The following TRPM3 variants were observed in gnomAD, a reference collection of about 807,000 sequenced individuals.
TRPM3 encodes transient receptor potential cation channel subfamily M member 3, also known as long transient receptor potential channel 3.
A neutral mutation model predicts 181.2 loss-of-function variants in TRPM3; 77 were observed. That is an observed-to-expected ratio of 0.42 (90% CI 0.35 to 0.51). The LOEUF (loss-of-function observed/expected upper bound fraction) is 0.51. Among genes scored for constraint, TRPM3 ranks in the 20% least tolerant of loss-of-function variants. TRPM3 has a pLI of 0.01. For missense variants in TRPM3, 1,759 were observed against 2,196.7 expected, an observed-to-expected ratio of 0.80 and a Z score of 3.98; for synonymous variants, 745 against 796.4, an observed-to-expected ratio of 0.94 and a Z score of 1.09.
intron 5 of TRPM3, among the ~76,000 whole-genome samples, chr9:70,841,652 A>ATATATATATC (rs2094651834): frequency 8.5e-6 from 1 of 117,376 alleles, no homozygotes; most frequent in African/African-American, 3.5e-5. Context: ...ATATATATAT[A>ATATATATATC]TATATATATC....
At chr9:70,610,778 T>C (rs767065586) in intron 18 of TRPM3, 29 bp from the exon 19 acceptor site, 5 of 1,613,012 alleles carry the variant, frequency 3.1e-6, no homozygotes, top group Admixed American at 1.7e-5. Flanking sequence ...GATACCATCA[T>C]GACAGGGCTC....
At chr9:70,561,244 A>G (rs1362344551) in intron 22 of TRPM3, among the ~76,000 whole-genome samples, 1 of 152,218 alleles carries the variant, frequency 6.6e-6, no homozygotes, top group Non-Finnish European at 1.5e-5. Flanking sequence ...TTGAAAATCT[A>G]TACAGTTCGC....
Position 70,535,872 on chromosome 9 carries a change from T to G in TRPM3, c.*81A>C. 6.6e-7 allele frequency: 1 copy of G among 1,521,780 alleles called. No individual in the cohort carries two copies. Among genetic ancestry groups the G allele is most frequent in the Non-Finnish European group, 8.8e-7 (1 of 1,138,910 alleles). The allele number at this position is 1,521,780 out of a possible 1,614,324, so 94.3% of individuals were successfully genotyped here. A position where few individuals can be genotyped will look rare whatever the true frequency, so the allele number is the denominator to read the frequency against. On this transcript the variant is annotated 3_prime_UTR_variant, in exon 26 of 26. Coordinates refer to ENST00000677713, the MANE Select transcript of TRPM3 (RefSeq NM_001366145.2). The stretch of plus-strand genomic sequence containing the variant: ...CAGCTAAGAATAAAGCAGGTATGAT[T>G]CAAGGAAAGGGGAAAAACTGGAGTT...
chr9:70,618,773 G>A (rs1387937417), intron 17 of TRPM3, 94 bp downstream of exon 17: 3 of 1,025,498 alleles, frequency 2.9e-6, no homozygotes, highest in Non-Finnish European at 4.4e-6. Context: ...CCTGAGATAA[G>A]AGGATGCCCA....
At chr9:70,664,649 T>TG (rs542051225) in intron 9 of TRPM3, among the ~76,000 whole-genome samples, 7 of 85,580 alleles carry the variant, frequency 8.2e-5, no homozygotes, top group African/African-American at 3.5e-4. Flanking sequence ...TAGTTTTTTT[T>TG]TTTTTTTTTT....
At chr9:70,838,172 C>A (rs142577572) in intron 5 of TRPM3, among the ~76,000 whole-genome samples, 169 of 152,284 alleles carry the variant, frequency 1.1e-3, no homozygotes, top group African/African-American at 3.8e-3. Context: ...CAAACTATGA[C>A]ATTAAGGGTT....
At chr9:70,577,144 G>A (rs1301177442) in intron 22 of TRPM3, among the ~76,000 whole-genome samples, 1 of 152,118 alleles carries the variant, frequency 6.6e-6, no homozygotes, top group Non-Finnish European at 1.5e-5. Context: ...TGTTTCCACC[G>A]AACCCCACAG....
chr9:71,413,433 C>G (rs2093591306), intron 1 of TRPM3, among the ~76,000 whole-genome samples: 1 of 151,960 alleles, frequency 6.6e-6, no homozygotes, highest in South Asian at 2.1e-4. Flanking sequence ...CTCCCAAAGT[C>G]ATAAGATTAG....
chr9:71,335,266 C>A (rs1465719279), intron 1 of TRPM3, among the ~76,000 whole-genome samples: 2 of 152,104 alleles, frequency 1.3e-5, no homozygotes, highest in African/African-American at 4.8e-5. Flanking sequence ...TTCAGTAACC[C>A]TAGACCCTGC....
At chr9:71,133,853 A>C (rs528760528) in intron 1 of TRPM3, among the ~76,000 whole-genome samples, 1 of 152,294 alleles carries the variant, frequency 6.6e-6, no homozygotes, top group South Asian at 2.1e-4. Flanking sequence ...ACAGACAAAC[A>C]CTTACTTACA....
intron 22 of TRPM3, chr9:70,579,031 GA>G (rs1486409935): frequency 6.6e-6 from 1 of 152,248 alleles, no homozygotes; most frequent in Non-Finnish European, 1.5e-5. Context: ...CAGTGAGATA[GA>G]CCTTGACTAT....
chr9:71,280,224 C>G (rs554856548), intron 1 of TRPM3, among the ~76,000 whole-genome samples: 1 of 152,146 alleles, frequency 6.6e-6, no homozygotes, highest in African/African-American at 2.4e-5. Flanking sequence ...GCAACTCAGG[C>G]ACGTGAATGC....
intron 3 of TRPM3, among the ~76,000 whole-genome samples, chr9:70,861,003 A>T (rs897443771): frequency 6.6e-6 from 1 of 152,172 alleles, no homozygotes; most frequent in African/African-American, 2.4e-5. Context: ...AACTTGTGTT[A>T]TCTAAATCCA....
chr9:70,813,104 G>A (rs2092299439), intron 6 of TRPM3, among the ~76,000 whole-genome samples: 1 of 133,638 alleles, frequency 7.5e-6, no homozygotes, highest in Non-Finnish European at 1.6e-5. Flanking sequence ...ACGTGACTGT[G>A]ATTTTTTTTA....
At chr9:70,940,510 T>C (rs1420648864) in intron 1 of TRPM3, among the ~76,000 whole-genome samples, 2 of 152,236 alleles carry the variant, frequency 1.3e-5, no homozygotes, top group South Asian at 2.1e-4. Context: ...TGCTAAGTGC[T>C]ATGCTAGGTG....
chr9:70,912,934 T>A (rs1232784151), intron 1 of TRPM3, among the ~76,000 whole-genome samples: 2 of 152,226 alleles, frequency 1.3e-5, no homozygotes, highest in Admixed American at 6.5e-5. Context: ...ATAATGATAA[T>A]GTACATTTAC....
intron 1 of TRPM3, among the ~76,000 whole-genome samples, chr9:71,108,230 A>C (rs2070184956): frequency 6.6e-6 from 1 of 152,208 alleles, no homozygotes; most frequent in Non-Finnish European, 1.5e-5. Flanking sequence ...TATTAGCAAA[A>C]GGTATAGAAA....
At chr9:70,810,111 G>A (rs1388713961) in intron 6 of TRPM3, 1 of 532,460 alleles carries the variant, frequency 1.9e-6, no homozygotes, top group Non-Finnish European at 3.9e-6. Flanking sequence ...GAAGTCCTCT[G>A]CTTGCCTCCA....
intron 1 of TRPM3, among the ~76,000 whole-genome samples, chr9:71,344,013 G>C (rs2091131542): frequency 6.7e-6 from 1 of 150,018 alleles, no homozygotes; most frequent in Non-Finnish European, 1.5e-5. Context: ...ATTATTCCAT[G>C]TTAGATTAGA....
Sources: allele counts gnomAD v4.1 joint callset (sites outside exome capture counted in the v4.1 genomes callset), GRCh38; gene constraint gnomAD v4.1.1; transcripts MANE v1.5; gene names NCBI Gene and HGNC (gene_info 2026-07-23, HGNC 2026-07-21).